The following GNA14 variants were observed in gnomAD, a reference collection of about 807,000 sequenced individuals.
The protein encoded by GNA14 is G protein subunit alpha 14.
In GNA14, 50 loss-of-function variants were observed where a neutral mutation model predicts 42.0. The observed-to-expected ratio is 1.19, with a 90% CI of 0.95 to 1.51. GNA14 has a LOEUF of 1.51. GNA14 is among the 40% of genes most tolerant of loss of function. The pLI is 0.00. For missense variants in GNA14, 473 were observed against 446.2 expected (o/e 1.06, Z -0.54); for synonymous variants, 173 against 163.1 (o/e 1.06, Z -0.46).
In GNA14 at chr9:77,581,462, G is replaced by A. The variant is rs75833500; in HGVS notation, c.125-52209C>T. 4.4e-3 allele frequency among the ~76,000 whole-genome samples: 663 copies of A among 152,200 alleles called. 6 individuals carry two copies. Among genetic ancestry groups the A allele is most frequent in the African/African-American group, 0.015 (629 of 41,524 alleles). On this transcript the variant is annotated intron_variant, in intron 1 of 6. Coordinates refer to ENST00000341700, the MANE Select transcript of GNA14 (RefSeq NM_004297.4). ...TACATCATGTGGTTGTAAAGATAAC[G>A]TGAGTCAATGTACCTGGCACATCCA...
chr9:77,571,620 G>A (rs965265063), intron 1 of GNA14, among the ~76,000 whole-genome samples: 38 of 152,066 alleles, frequency 2.5e-4, no homozygotes, highest in African/African-American at 9.2e-4. Context: ...GACCAACATG[G>A]AGAAACCCTG....
chr9:77,573,685 A>C (rs927673151), intron 1 of GNA14, among the ~76,000 whole-genome samples: 30 of 152,166 alleles, frequency 2.0e-4, no homozygotes, highest in African/African-American at 6.0e-4. Flanking sequence ...CTAGGATGCT[A>C]GACAAGGGTC....
chr9:77,430,209 A>C (rs1177505977), intron 4 of GNA14, among the ~76,000 whole-genome samples: 1 of 152,174 alleles, frequency 6.6e-6, no homozygotes, highest in Admixed American at 6.5e-5. Context: ...CAAAGATCGG[A>C]ATTTTTCAGC....
At chr9:77,595,867 T>G (rs924635689) in intron 1 of GNA14, among the ~76,000 whole-genome samples, 1 of 152,110 alleles carries the variant, frequency 6.6e-6, no homozygotes, top group African/African-American at 2.4e-5. Context: ...CACCTCTTCA[T>G]GGACTGGGCT....
Position 77,500,032 on chromosome 9 carries a change from T to A in GNA14, c.309+29037A>T, listed in dbSNP as rs577577804. Among the ~76,000 whole-genome samples the A allele has an allele frequency of 1.1e-4, 16 of 152,088 alleles. No homozygotes were observed. In the South Asian group the frequency reaches 2.9e-3, roughly 28 times the overall value. ...ATTTCTGATAATTTCTTTTCTTTTT[T>A]TTTTTTTGAAACGGAGTTTCACTCT... On this transcript the variant is annotated intron_variant, in intron 2 of 6. Coordinates refer to ENST00000341700, the MANE Select transcript of GNA14 (RefSeq NM_004297.4).
chr9:77,531,091 C>T (rs1025501124), intron 1 of GNA14, among the ~76,000 whole-genome samples: 1 of 152,202 alleles, frequency 6.6e-6, no homozygotes, highest in African/African-American at 2.4e-5. Context: ...AGCAGCACAT[C>T]GCCTAAATGC....
chr9:77,621,038 A>T (rs1823914142), intron 1 of GNA14, among the ~76,000 whole-genome samples: 2 of 151,528 alleles, frequency 1.3e-5, no homozygotes, highest in Non-Finnish European at 2.9e-5. Context: ...GGCTCAAGTG[A>T]CCCTCCCACC....
intron 1 of GNA14, chr9:77,580,146 T>C (rs1255628755): frequency 4.6e-6 from 1 of 217,720 alleles, no homozygotes; most frequent in Non-Finnish European, 9.4e-6. Flanking sequence ...TAACTCTCAA[T>C]AGTGCCCACT....
At chr9:77,623,273 A>C (rs1410048152) in intron 1 of GNA14, among the ~76,000 whole-genome samples, 1 of 150,052 alleles carries the variant, frequency 6.7e-6, no homozygotes, top group Non-Finnish European at 1.5e-5. Flanking sequence ...AAGAAAAAAA[A>C]ATTTGAAATG....
At chr9:77,622,609 A>G (rs1300268855) in intron 1 of GNA14, among the ~76,000 whole-genome samples, 1 of 151,930 alleles carries the variant, frequency 6.6e-6, no homozygotes, top group Non-Finnish European at 1.5e-5. Flanking sequence ...TCTACTAAAA[A>G]TACAAAAACA....
chr9:77,642,423 T>C (rs1320203640), intron 1 of GNA14, among the ~76,000 whole-genome samples: 1 of 152,216 alleles, frequency 6.6e-6, no homozygotes, highest in East Asian at 1.9e-4. Context: ...CAAGCATTTT[T>C]ATTTTAATGT....
intron 1 of GNA14, among the ~76,000 whole-genome samples, chr9:77,631,467 T>A (rs1824098787): frequency 8.1e-6 from 1 of 123,400 alleles, no homozygotes; most frequent in Non-Finnish European, 1.7e-5. Flanking sequence ...ACTTTTTATG[T>A]AAAAAAAAAA....
intron 2 of GNA14, among the ~76,000 whole-genome samples, chr9:77,504,829 G>A (rs951653500): frequency 3.3e-5 from 5 of 151,808 alleles, no homozygotes; most frequent in South Asian, 2.1e-4. Context: ...CACCACACCT[G>A]GATAATTTTT....
intron 1 of GNA14, among the ~76,000 whole-genome samples, chr9:77,532,115 A>G (rs1564045589): frequency 6.6e-6 from 1 of 152,022 alleles, no homozygotes; most frequent in Non-Finnish European, 1.5e-5. Flanking sequence ...TCACCCAGCT[A>G]GTGTATTTTT....
At chr9:77,517,584 ACTTTTC>A (rs1837277445) in intron 2 of GNA14, 1 of 69,314 alleles carries the variant, frequency 1.4e-5, no homozygotes, top group African/African-American at 5.7e-5. Flanking sequence ...TTATCCTGGT[ACTTTTC>A]TTTTTTTTTT....
rs189186749 is a variant in GNA14 at position 77,482,837 on chromosome 9, T to C, written c.309+46232A>G. Among the ~76,000 whole-genome samples, 312 of 152,354 alleles carry C rather than the reference T, an allele frequency of 2.0e-3. 3 individuals are homozygous for C. The highest frequency in any genetic ancestry group is 7.2e-3 in the African/African-American group (299 of 41,586). ...CCATCACTGATACCCTTTTTTCCAA[T>C]TGATTGCATCAGCTCCTGAGGCTTC... On this transcript the variant is annotated intron_variant, in intron 2 of 6. Coordinates refer to ENST00000341700, the MANE Select transcript of GNA14 (RefSeq NM_004297.4).
At chr9:77,631,455 C>A in intron 1 of GNA14, among the ~76,000 whole-genome samples, 1 of 130,568 alleles carries the variant, frequency 7.7e-6, no homozygotes, top group Non-Finnish European at 1.6e-5. Flanking sequence ...CACAAATATG[C>A]CACTTTTTAT....
At chr9:77,537,155 A>G (rs1401704416) in intron 1 of GNA14, among the ~76,000 whole-genome samples, 3 of 152,118 alleles carry the variant, frequency 2.0e-5, no homozygotes, top group African/African-American at 7.2e-5. Context: ...CTACTTTGCT[A>G]TCAAATATTG....
At chr9:77,556,159 G>A (rs112962646) in intron 1 of GNA14, among the ~76,000 whole-genome samples, 9,627 of 152,148 alleles carry the variant, frequency 0.063, 421 homozygotes, top group African/African-American at 0.12. Context: ...TGGGAGAATC[G>A]CTTGAACTCA....
Sources: allele counts gnomAD v4.1 joint callset (sites outside exome capture counted in the v4.1 genomes callset), GRCh38; gene constraint gnomAD v4.1.1; transcripts MANE v1.5; gene names NCBI Gene and HGNC (gene_info 2026-07-23, HGNC 2026-07-21).